Variants in MARK3 observed in about 807,000 individuals in gnomAD.
The protein encoded by MARK3 is MAP/microtubule affinity-regulating kinase 3.
Under a neutral mutation model 90.1 loss-of-function variants are expected in MARK3, and 46 were observed. The observed-to-expected ratio is 0.51, with a 90% confidence interval of 0.40 to 0.65. The LOEUF (loss-of-function observed/expected upper bound fraction) is 0.65. Among genes scored for constraint, MARK3 ranks in the 30% least tolerant of loss-of-function variants. The pLI is 0.00. For missense variants in MARK3, 818 were observed against 947.2 expected, an observed-to-expected ratio of 0.86 and a Z score of 1.79; for synonymous variants, 321 against 332.6, an observed-to-expected ratio of 0.97 and a Z score of 0.38.
In MARK3 at chr14:103,425,439, T is replaced by G. The variant is rs376948843; in HGVS notation, c.244-2948T>G. ...CACCAAGCTCAGCTAATTTTTGTAT[T>G]TTTAGTAGAGACGGGGTTTCACCAT... On this transcript the variant is annotated intron_variant, in intron 2 of 17. Coordinates refer to ENST00000429436, the MANE Select transcript of MARK3 (RefSeq NM_001128918.3). 1.8e-4 allele frequency among the ~76,000 whole-genome samples: 27 copies of G among 152,046 alleles called. 1 individual carries two copies. In the South Asian group the frequency reaches 5.2e-3, roughly 29 times the overall value.
intron 3 of MARK3, among the ~76,000 whole-genome samples, chr14:103,436,600 C>A (rs190308713): frequency 6.3e-5 from 9 of 142,542 alleles, no homozygotes; most frequent in Middle Eastern, 3.6e-3. Flanking sequence ...CAAATGAAAT[C>A]CAAGACAGGC....
intron 2 of MARK3, among the ~76,000 whole-genome samples, chr14:103,426,891 TAAAAA>T (rs59517015): frequency 0.099 from 14,712 of 149,324 alleles, 1,378 homozygotes; most frequent in African/African-American, 0.25. Flanking sequence ...CTTTTCTATT[TAAAAA>T]AAAAAAAAAA....
At chr14:103,496,806 G>T (rs750742565) in intron 15 of MARK3, among the ~76,000 whole-genome samples, 12 of 152,272 alleles carry the variant, frequency 7.9e-5, no homozygotes, top group Non-Finnish European at 1.6e-4. Flanking sequence ...GGGGGAAGGT[G>T]AGGCAGGAGG....
chr14:103,389,568 ATCTTCATCC>A (rs1439466352), intron 1 of MARK3, among the ~76,000 whole-genome samples: 6 of 90,748 alleles, frequency 6.6e-5, no homozygotes, highest in Non-Finnish European at 1.3e-4. Flanking sequence ...TTGCAACATT[ATCTTCATCC>A]TTGTACACTA....
intron 4 of MARK3, 42 bp from the exon 5 acceptor site, chr14:103,451,876 A>C: frequency 7.0e-7 from 1 of 1,430,348 alleles, no homozygotes; most frequent in South Asian, 1.2e-5. Flanking sequence ...GTGCATACAG[A>C]CATTTGTCTC....
At chr14:103,409,435 T>TAAAA (rs61200962) in intron 2 of MARK3, among the ~76,000 whole-genome samples, 204 of 93,418 alleles carry the variant, frequency 2.2e-3, no homozygotes, top group Non-Finnish European at 2.9e-3. Context: ...GAACTTAAAG[T>TAAAA]AAAAAAAAAA....
intron 1 of MARK3, among the ~76,000 whole-genome samples, chr14:103,398,778 A>G (rs2140546661): frequency 6.6e-6 from 1 of 152,344 alleles, no homozygotes; most frequent in Non-Finnish European, 1.5e-5. Context: ...CTTTGTGAAT[A>G]TTTCTAAAGT....
intron 4 of MARK3, 115 bp downstream of exon 4, chr14:103,449,082 C>T (rs1309590392): frequency 8.7e-7 from 1 of 1,153,966 alleles, no homozygotes; most frequent in Non-Finnish European, 1.2e-6. Context: ...AATATATATA[C>T]AAGTTGTTGA....
intron 16 of MARK3, 35 bp from the exon 17 acceptor site, chr14:103,500,121 C>G: frequency 6.4e-7 from 1 of 1,572,248 alleles, no homozygotes; most frequent in Non-Finnish European, 8.7e-7. Flanking sequence ...TTTCTCTTTC[C>G]CTCTTCTCTC....
rs75416227 is a variant in MARK3 at position 103,456,855 on chromosome 14, A to G, written c.413-287A>G. The stretch of plus-strand genomic sequence containing the variant: ...TCATCCATTTTAATTTTCTGTTTTA[A>G]TTGCTTAGTTTTTATTAAAGCCTAT... On this transcript the variant is annotated intron_variant, in intron 5 of 17. Transcript: ENST00000429436. 3.0e-3 allele frequency among the ~76,000 whole-genome samples: 463 copies of G among 152,284 alleles called. 24 individuals are homozygous for G. The East Asian group carries it at 0.075, about 25-fold the overall frequency.
At chr14:103,468,299 C>T (rs1595824241) in intron 12 of MARK3, 113 bp downstream of exon 12, 8 of 342,390 alleles carry the variant, frequency 2.3e-5, no homozygotes, top group South Asian at 8.3e-5. Context: ...CTTGGCATTG[C>T]TTTCTTTCTT....
chr14:103,488,199 T>C (rs2093962128), intron 14 of MARK3, among the ~76,000 whole-genome samples: 2 of 152,142 alleles, frequency 1.3e-5, no homozygotes, highest in South Asian at 4.1e-4. Flanking sequence ...CAGGCTTAAA[T>C]ATAAAAGGGC....
chr14:103,443,086 GA>G (rs2092903888), intron 3 of MARK3, among the ~76,000 whole-genome samples: 1 of 152,066 alleles, frequency 6.6e-6, no homozygotes, highest in Non-Finnish European at 1.5e-5. Flanking sequence ...TATTATAAAG[GA>G]ACCTTTTCTG....
chr14:103,412,278 C>G (rs1036962102), intron 2 of MARK3: 2 of 665,750 alleles, frequency 3.0e-6, no homozygotes, highest in Non-Finnish European at 2.6e-6. Flanking sequence ...ACAGCCACAG[C>G]CAAACATAAC....
At chr14:103,431,608 A>G (rs1397562871) in intron 3 of MARK3, among the ~76,000 whole-genome samples, 1 of 152,202 alleles carries the variant, frequency 6.6e-6, no homozygotes, top group Non-Finnish European at 1.5e-5. Context: ...AATTTGTAAC[A>G]TGTAATGAAA....
intron 8 of MARK3, 28 bp from the exon 9 acceptor site, chr14:103,465,944 G>C (rs765810635): frequency 1.9e-6 from 3 of 1,601,502 alleles, no homozygotes; most frequent in Non-Finnish European, 1.7e-6. Flanking sequence ...TGACTTACTC[G>C]TTTTCTTTCC....
chr14:103,411,780 G>A (rs577292250), intron 2 of MARK3, among the ~76,000 whole-genome samples: 12 of 151,916 alleles, frequency 7.9e-5, no homozygotes, highest in African/African-American at 1.2e-4. Context: ...GTGCCACCAC[G>A]CCCAGCTAAT....
intron 3 of MARK3, among the ~76,000 whole-genome samples, chr14:103,448,524 T>C (rs1259856331): frequency 6.6e-6 from 1 of 152,238 alleles, no homozygotes; most frequent in Non-Finnish European, 1.5e-5. Context: ...ATGATGTATT[T>C]CACTGGAACC....
At chr14:103,446,139 A>G (rs1171938133) in intron 3 of MARK3, among the ~76,000 whole-genome samples, 1 of 152,358 alleles carries the variant, frequency 6.6e-6, no homozygotes, top group Non-Finnish European at 1.5e-5. Context: ...CAGATGGGCT[A>G]TGATGTAAAA....
Sources: allele counts gnomAD v4.1 joint callset (sites outside exome capture counted in the v4.1 genomes callset), GRCh38; gene constraint gnomAD v4.1.1; transcripts MANE v1.5; gene names NCBI Gene and HGNC (gene_info 2026-07-23, HGNC 2026-07-21).